ZNF469: variants seen among roughly 807,000 people sequenced by gnomAD.
ZNF469 encodes the protein zinc finger protein 469.
Under a neutral mutation model 1.0 loss-of-function variants are expected in ZNF469, and 1 was observed. That is an observed-to-expected ratio of 1.00 (90% CI 0.35 to 4.73). The LOEUF (loss-of-function observed/expected upper bound fraction) is 4.73, where lower values mean the gene tolerates loss of function less well. Ranked by LOEUF, ZNF469 falls within the 30% of genes most tolerant of loss-of-function variation. ZNF469 has a pLI of 0.16. For missense variants in ZNF469, 6,100 were observed against 5,356.3 expected (o/e 1.14, Z -4.33); for synonymous variants, 2,703 against 2,363.4 (o/e 1.14, Z -4.17).
chr16:88,349,802 TACACACATCACAAATGCA>T, the ZNF469 span, among the ~76,000 whole-genome samples: 61 of 3,450 alleles, frequency 0.018, no homozygotes, highest in Middle Eastern at 0.062. Context: ...CCAGGCACAT[TACACACATCACAAATGCA>T]CACACACGAG....
the ZNF469 span, among the ~76,000 whole-genome samples, chr16:88,187,985 G>A: frequency 2.0e-5 from 3 of 152,028 alleles, no homozygotes; most frequent in Non-Finnish European, 2.9e-5. Context: ...CCCGGGCCCT[G>A]TCTTTCACAC....
Position 88,427,386 on chromosome 16 carries a change from T to C in ZNF469, c.-85T>C. ...TGAGCGCAGGCTTCCCTGGGGCCCA[T>C]CGAGGGCTGAGGATGGCCGTCCAGC... On this transcript the variant is annotated 5_prime_UTR_variant, in exon 3 of 3. Coordinates refer to ENST00000565624, the MANE Select transcript of ZNF469 (RefSeq NM_001367624.2). The C allele has an allele frequency of 1.5e-6, 2 of 1,336,902 alleles. No individual in the cohort carries two copies. The highest frequency in any genetic ancestry group is 9.9e-7 in the Non-Finnish European group (1 of 1,012,598). The allele number at this position is 1,336,902 out of a possible 1,614,324, so 82.8% of individuals were successfully genotyped here.
At chr16:88,239,264 C>A in the ZNF469 span, among the ~76,000 whole-genome samples, 2 of 152,196 alleles carry the variant, frequency 1.3e-5, no homozygotes, top group East Asian at 3.9e-4. Context: ...TTGGGTAGAT[C>A]AGCTGGGAAA....
the ZNF469 span, among the ~76,000 whole-genome samples, chr16:88,302,928 T>G: frequency 9.9e-5 from 15 of 152,206 alleles, no homozygotes; most frequent in African/African-American, 3.6e-4. Flanking sequence ...TCCCAGATGC[T>G]GCAGAAAAAC....
rs1287448444 is a variant in ZNF469 at position 88,435,764 on chromosome 16, G to A, written c.8294G>A (p.Gly2765Asp). The A allele has an allele frequency of 2.6e-6, 4 of 1,550,686 alleles. No individual in the cohort carries two copies. The highest frequency in any genetic ancestry group is 3.5e-6 in the Non-Finnish European group (4 of 1,147,002). ...GGACCAAGAGAGACCAAGGCGTTGG[G>A]TGTGTGCAAAGAGTCTGGGAGCGAG... ...FWGPRETKAL[G>D]VCKESGSEPA... The change falls in exon 3 of 3, where the codon GGT becomes GAT. Residue 2765 changes from glycine to aspartate, a missense_variant. Coordinates refer to ENST00000565624, the MANE Select transcript of ZNF469 (RefSeq NM_001367624.2).
At chr16:88,321,372 G>T in the ZNF469 span, among the ~76,000 whole-genome samples, 2 of 152,384 alleles carry the variant, frequency 1.3e-5, no homozygotes, top group East Asian at 1.9e-4. Flanking sequence ...TTCAAATTCT[G>T]CATGTAAGGC....
chr16:88,431,742 C>T lies in ZNF469; in HGVS notation c.4272C>T (p.Ser1424=). The T allele has an allele frequency of 1.2e-5, 18 of 1,550,076 alleles. No individual in the cohort carries two copies. The highest frequency in any genetic ancestry group is 1.6e-5 in the Non-Finnish European group (18 of 1,146,952). ...GCCAGGACGGCGAGGATGCCGGTTC[C>T]CTCGAGCCACAGCTGCCAAGGAGCC... The part of the protein sequence containing the change: ...CLCQDGEDAG[S]LEPQLPRSPP... Residue 1424 remains serine (S), a synonymous_variant, in exon 3 of 3, where the codon TCC becomes TCT. Coordinates refer to ENST00000565624, the MANE Select transcript of ZNF469 (RefSeq NM_001367624.2).
the ZNF469 span, among the ~76,000 whole-genome samples, chr16:88,320,410 A>C: frequency 6.6e-6 from 1 of 152,132 alleles, no homozygotes; most frequent in African/African-American, 2.4e-5. Flanking sequence ...CGGAGACAGA[A>C]TCTTGCTCTG....
Position 88,432,323 on chromosome 16 carries a change from A to G in ZNF469, c.4853A>G (p.His1618Arg). 1 of 1,547,940 alleles carries G rather than the reference A, an allele frequency of 6.5e-7. No individual in the cohort carries two copies. Among genetic ancestry groups the G allele is most frequent in the Admixed American group, 2.0e-5 (1 of 51,008 alleles). The change falls in exon 3 of 3, where the codon CAC (histidine) becomes CGC (arginine). Residue 1618 changes from histidine (H) to arginine (R), a missense_variant. Coordinates refer to ENST00000565624, the MANE Select transcript of ZNF469 (RefSeq NM_001367624.2). The stretch of plus-strand genomic sequence containing the variant: ...CGCACCTGCCAGGCCACCGTGCCCC[A>G]CGAGGACACGTTCTCGGCAGCTGAC... ...QRRTCQATVP[H>R]EDTFSAADLT...
At chr16:88,105,790 G>A in the ZNF469 span, among the ~76,000 whole-genome samples, 1 of 152,254 alleles carries the variant, frequency 6.6e-6, no homozygotes, top group East Asian at 1.9e-4. Context: ...TGGGTAGGGG[G>A]ATAACGGCAC....
rs118009891 is a variant in ZNF469 at position 88,409,362 on chromosome 16, C to T, written c.-191-15445C>T. 1.5e-3 allele frequency among the ~76,000 whole-genome samples: 235 copies of T among 152,354 alleles called. 4 individuals carry two copies. In the East Asian group the frequency reaches 0.04, roughly 26 times the overall value. ...CTGGAGGATGACCAGAGACTGAGCA[C>T]GGCTAGACAAACGTGAAAGCGGGAG... On this transcript the variant is annotated intron_variant, in intron 1 of 2. Transcript: ENST00000565624.
upstream of ZNF469, among the ~76,000 whole-genome samples, chr16:88,380,757 CACAGACG>C: frequency 6.7e-6 from 1 of 149,510 alleles, no homozygotes; most frequent in Non-Finnish European, 1.5e-5. Context: ...GACATGCACT[CACAGACG>C]TCCTCACACA....
chr16:88,362,766 G>A, the ZNF469 span, among the ~76,000 whole-genome samples: 1 of 152,120 alleles, frequency 6.6e-6, no homozygotes, highest in East Asian at 1.9e-4. Context: ...CACCAAATTG[G>A]AGAAAAACCT....
At chr16:88,104,248 T>TAACAAAA in the ZNF469 span, among the ~76,000 whole-genome samples, 1 of 130,486 alleles carries the variant, frequency 7.7e-6, no homozygotes, top group African/African-American at 2.9e-5. Flanking sequence ...GACGGTATCT[T>TAACAAAA]AAAAAAAAAA....
At chr16:88,340,768 G>T in the ZNF469 span, among the ~76,000 whole-genome samples, 2 of 152,034 alleles carry the variant, frequency 1.3e-5, no homozygotes, top group Non-Finnish European at 2.9e-5. Flanking sequence ...GGGTCAGAGG[G>T]GAGGGTGGGG....
the ZNF469 span, among the ~76,000 whole-genome samples, chr16:88,221,219 G>T: frequency 6.6e-6 from 1 of 152,356 alleles, no homozygotes; most frequent in East Asian, 1.9e-4. Flanking sequence ...GACAGACCCG[G>T]GCTGGCTGGG....
chr16:88,413,401 A>G (rs569128220), intron 1 of ZNF469, among the ~76,000 whole-genome samples: 1 of 152,258 alleles, frequency 6.6e-6, no homozygotes, highest in Admixed American at 6.5e-5. Context: ...GTGAGGAGAC[A>G]GCAAAGGAGA....
At chr16:88,307,370 G>T in the ZNF469 span, among the ~76,000 whole-genome samples, 4 of 152,232 alleles carry the variant, frequency 2.6e-5, no homozygotes, top group Non-Finnish European at 5.9e-5. Context: ...AAGCAGCATT[G>T]CTGGTCGTAC....
the ZNF469 span, among the ~76,000 whole-genome samples, chr16:88,138,564 T>C: frequency 6.6e-6 from 1 of 152,224 alleles, no homozygotes; most frequent in East Asian, 1.9e-4. Context: ...GTAAACTTTA[T>C]GTGGCAGTGT....
Sources: gnomAD v4.1 joint callset for allele counts (sites outside exome capture counted in the v4.1 genomes callset) on GRCh38, gnomAD v4.1.1 for gene constraint, MANE v1.5 for transcripts, NCBI Gene and HGNC (gene_info 2026-07-23, HGNC 2026-07-21) for gene names.